EXPH5: variants seen among roughly 807,000 people sequenced by gnomAD.
EXPH5 encodes exophilin-5.
A neutral mutation model predicts 41.1 loss-of-function variants in EXPH5; 42 were observed. The ratio of observed to expected loss-of-function variants is 1.02; its 90% confidence interval spans 0.80 to 1.32. EXPH5 has a LOEUF of 1.32. Among genes scored for constraint, EXPH5 ranks in the 40% most tolerant of loss-of-function variants. EXPH5 has a pLI of 0.00. For synonymous variants in EXPH5, 798 were observed against 833.5 expected (o/e 0.96, Z 0.73); for missense variants, 2,298 against 2,314.5 (o/e 0.99, Z 0.15).
intron 1 of EXPH5, among the ~76,000 whole-genome samples, chr11:108,589,039 A>T (rs1157930754): frequency 1.3e-5 from 2 of 152,226 alleles, no homozygotes; most frequent in African/African-American, 2.4e-5. Context: ...CCTCCTGAGC[A>T]CACTTGTGAC....
intron 4 of EXPH5, among the ~76,000 whole-genome samples, chr11:108,519,677 G>T (rs2093751548): frequency 6.6e-6 from 1 of 151,970 alleles, no homozygotes; most frequent in South Asian, 2.1e-4. Flanking sequence ...GAACTCGGAA[G>T]GCGGAAGTTG....
upstream of EXPH5, among the ~76,000 whole-genome samples, chr11:108,598,269 A>G (rs1259440853): frequency 6.6e-6 from 1 of 152,186 alleles, no homozygotes; most frequent in Admixed American, 6.5e-5. Context: ...TGCTATTTAT[A>G]AGTTCTTTTT....
chr11:108,587,509 G>A (rs2094116803), intron 1 of EXPH5, among the ~76,000 whole-genome samples: 1 of 152,140 alleles, frequency 6.6e-6, no homozygotes, highest in African/African-American at 2.4e-5. Flanking sequence ...TGACCACAAG[G>A]AATCAAGGTT....
intron 4 of EXPH5, among the ~76,000 whole-genome samples, chr11:108,525,918 C>CTTTTTT (rs11390097): frequency 1.5e-5 from 2 of 132,638 alleles, no homozygotes; most frequent in African/African-American, 5.7e-5. Context: ...TTTTTCTTTT[C>CTTTTTT]TTTTTTTTTT....
At chr11:108,596,684 G>A (rs1047885581), upstream of EXPH5, among the ~76,000 whole-genome samples, 1 of 152,130 alleles carries the variant, frequency 6.6e-6, no homozygotes, top group African/African-American at 2.4e-5. Context: ...AGGATGAGGA[G>A]CAGAAGCTGA....
chr11:108,565,060 C>T (rs2094028992), intron 1 of EXPH5, among the ~76,000 whole-genome samples: 1 of 151,948 alleles, frequency 6.6e-6, no homozygotes, highest in Non-Finnish European at 1.5e-5. Context: ...CACCCACCAC[C>T]ACGCCTGGCT....
intron 1 of EXPH5, among the ~76,000 whole-genome samples, chr11:108,573,677 A>G (rs2094070459): frequency 6.6e-6 from 1 of 152,224 alleles, no homozygotes; most frequent in Non-Finnish European, 1.5e-5. Flanking sequence ...TGAAAAAAAT[A>G]AATTTATATA....
At chr11:108,583,652 T>A (rs1268857805) in intron 1 of EXPH5, among the ~76,000 whole-genome samples, 2 of 147,184 alleles carry the variant, frequency 1.4e-5, no homozygotes, top group South Asian at 2.1e-4. Flanking sequence ...CAAAACCCCA[T>A]CTCTATTAAA....
intron 1 of EXPH5, among the ~76,000 whole-genome samples, chr11:108,546,396 A>C (rs1207650329): frequency 2.0e-5 from 3 of 152,156 alleles, no homozygotes; most frequent in African/African-American, 7.2e-5. Flanking sequence ...TGTTTGCTGG[A>C]CCAGGATGGT....
In EXPH5 at chr11:108,512,303, G is replaced by T. The variant is rs1357390126; in HGVS notation, c.3204C>A (p.Asn1068Lys). 9.9e-6 allele frequency: 16 copies of T among 1,613,692 alleles called. No individual in the cohort carries two copies. The highest frequency in any genetic ancestry group is 1.4e-5 in the Non-Finnish European group (16 of 1,179,874). Residue 1068 changes from asparagine to lysine, a missense_variant, in exon 6 of 6, where the codon AAC (asparagine) becomes AAA (lysine). By Grantham distance (94) the Asn-to-Lys change is moderately conservative. Transcript: ENST00000265843. The part of the protein sequence containing the change: ...VEDAMGNYML[N>K]KFSPSSPESA... ...ACTCAGGAGAACTGGGACTAAATTT[G>T]TTTAACATATAGTTCCCCATTGCAT...
intron 1 of EXPH5, among the ~76,000 whole-genome samples, chr11:108,542,823 A>G (rs1173880730): frequency 1.3e-5 from 2 of 152,104 alleles, no homozygotes; most frequent in Non-Finnish European, 1.5e-5. Context: ...AGTTCAAGTG[A>G]TTCTCCTGCC....
At chr11:108,605,298 G>A in the EXPH5 span, among the ~76,000 whole-genome samples, 1 of 152,170 alleles carries the variant, frequency 6.6e-6, no homozygotes. Flanking sequence ...CTTAGTGTCT[G>A]AGCAGTGCTG....
intron 3 of EXPH5, among the ~76,000 whole-genome samples, chr11:108,531,003 T>C (rs2093834080): frequency 6.6e-6 from 1 of 152,152 alleles, no homozygotes; most frequent in Non-Finnish European, 1.5e-5. Context: ...AAAGCAACAG[T>C]GGTATCATGA....
At chr11:108,541,843 T>C in intron 1 of EXPH5, 31 bp from the exon 2 acceptor site, 1 of 1,518,452 alleles carries the variant, frequency 6.6e-7, no homozygotes, top group African/African-American at 1.4e-5. Flanking sequence ...AATGTGGTCT[T>C]TATTTATTTT....
intron 3 of EXPH5, among the ~76,000 whole-genome samples, chr11:108,533,681 G>T (rs2093859257): frequency 6.6e-6 from 1 of 152,112 alleles, no homozygotes; most frequent in Admixed American, 6.5e-5. Context: ...CTACACTGTT[G>T]ACGTTTCTTT....
intron 1 of EXPH5, among the ~76,000 whole-genome samples, chr11:108,589,069 T>C (rs888252633): frequency 6.6e-6 from 1 of 152,204 alleles, no homozygotes; most frequent in Admixed American, 6.5e-5. Context: ...TTGTTCTTGT[T>C]GTCCCTTTTC....
At chr11:108,515,190 G>A (rs147523806) in intron 5 of EXPH5, among the ~76,000 whole-genome samples, 57 of 151,964 alleles carry the variant, frequency 3.8e-4, no homozygotes, top group African/African-American at 1.3e-3. Context: ...CATCTAAAGT[G>A]TATTGAGTTT....
the EXPH5 span, among the ~76,000 whole-genome samples, chr11:108,600,418 T>C: frequency 2.0e-5 from 3 of 152,270 alleles, no homozygotes; most frequent in East Asian, 3.9e-4. Context: ...CTCATTTTGA[T>C]TCAAGTACTT....
chr11:108,522,968 G>A (rs2093774593), intron 4 of EXPH5, among the ~76,000 whole-genome samples: 2 of 151,510 alleles, frequency 1.3e-5, no homozygotes, highest in South Asian at 2.1e-4. Flanking sequence ...CTGTAACCCC[G>A]AACTACTGGC....
Sources: allele counts gnomAD v4.1 joint callset (sites outside exome capture counted in the v4.1 genomes callset), GRCh38; gene constraint gnomAD v4.1.1; transcripts MANE v1.5; gene names NCBI Gene and HGNC (gene_info 2026-07-23, HGNC 2026-07-21).